Variants in BRAF observed in about 807,000 individuals in gnomAD.
BRAF encodes B-Raf proto-oncogene, serine/threonine kinase.
In BRAF, 16 loss-of-function variants were observed where a neutral mutation model predicts 104.6. The observed-to-expected ratio is 0.15, with a 90% confidence interval of 0.10 to 0.23. The LOEUF is 0.23. BRAF is among the 10% of genes least tolerant of loss of function. The pLI, the probability that BRAF is intolerant of heterozygous loss-of-function variation, is 1.00. For missense variants in BRAF, 541 were observed against 937.3 expected, an observed-to-expected ratio of 0.58 and a Z score of 5.52; for synonymous variants, 310 against 341.6, an observed-to-expected ratio of 0.91 and a Z score of 1.02.
chr7:140,871,597 C>T (rs1452066928), intron 1 of BRAF, among the ~76,000 whole-genome samples: 1 of 151,642 alleles, frequency 6.6e-6, no homozygotes, highest in Non-Finnish European at 1.5e-5. Context: ...CTTTAGACAC[C>T]TAAAAAAAAC....
rs949612905 is a variant in BRAF at position 140,784,792 on chromosome 7, C to T, written c.1297+897G>A. 2.2e-4 allele frequency among the ~76,000 whole-genome samples: 34 copies of T among 151,972 alleles called. 1 individual carries two copies. The highest frequency in any genetic ancestry group is 4.4e-5 in the Non-Finnish European group (3 of 67,974). On this transcript the variant is annotated intron_variant, in intron 10 of 19. Transcript: ENST00000644969. ...CCCAAGTAGCTGGGATTACAGGCAT[C>T]CGCCATCATGCCTAGCTAATTTTTT...
At chr7:140,756,799 C>T (rs1798240658) in intron 14 of BRAF, among the ~76,000 whole-genome samples, 1 of 152,212 alleles carries the variant, frequency 6.6e-6, no homozygotes, top group African/African-American at 2.4e-5. Context: ...TGATAGGTTT[C>T]TCTTAACAGT....
chr7:140,801,283 T>C, intron 6 of BRAF, 129 bp downstream of exon 6: 1 of 1,054,330 alleles, frequency 9.5e-7, no homozygotes, highest in East Asian at 2.6e-5. Flanking sequence ...TAACTACACT[T>C]AAAAAAAATT....
downstream of BRAF, among the ~76,000 whole-genome samples, chr7:140,716,705 C>G (rs529819352): frequency 2.6e-5 from 4 of 152,138 alleles, no homozygotes; most frequent in Non-Finnish European, 5.9e-5. Flanking sequence ...TTAGCACACA[C>G]GTTTGTAACT....
At chr7:140,734,505 A>G in intron 19 of BRAF, 1 of 1,603,756 alleles carries the variant, frequency 6.2e-7, no homozygotes, top group Non-Finnish European at 8.5e-7. Flanking sequence ...AAAAAAAAAG[A>G]GAGTATTTTA....
At chr7:140,868,036 G>C (rs756493508) in intron 1 of BRAF, among the ~76,000 whole-genome samples, 1 of 152,184 alleles carries the variant, frequency 6.6e-6, no homozygotes, top group Non-Finnish European at 1.5e-5. Context: ...GCCTGGACTA[G>C]TTTACTAGAA....
At chr7:140,782,767 C>A (rs977395391) in intron 11 of BRAF, among the ~76,000 whole-genome samples, 1 of 152,124 alleles carries the variant, frequency 6.6e-6, no homozygotes, top group Non-Finnish European at 1.5e-5. Flanking sequence ...AGCTTTCTCT[C>A]TTTTTCCTTA....
downstream of BRAF, among the ~76,000 whole-genome samples, chr7:140,718,955 A>C (rs1365446297): frequency 6.6e-6 from 1 of 152,238 alleles, no homozygotes; most frequent in Non-Finnish European, 1.5e-5. Context: ...GTTTGAAAAA[A>C]TACAATTCTA....
At chr7:140,914,405 G>T (rs918661716) in intron 1 of BRAF, among the ~76,000 whole-genome samples, 5 of 152,150 alleles carry the variant, frequency 3.3e-5, no homozygotes, top group African/African-American at 1.2e-4. Context: ...AATATGAGTG[G>T]AATATCATCA....
chr7:140,904,450 AG>A (rs1291110284), intron 1 of BRAF, among the ~76,000 whole-genome samples: 1 of 151,854 alleles, frequency 6.6e-6, no homozygotes, highest in Non-Finnish European at 1.5e-5. Flanking sequence ...TGGGGGAGGC[AG>A]GGAGGGGTGT....
chr7:140,756,185 T>G (rs1308000180), intron 14 of BRAF, among the ~76,000 whole-genome samples: 2 of 152,192 alleles, frequency 1.3e-5, no homozygotes, highest in Non-Finnish European at 2.9e-5. Context: ...ATAGAAGTTA[T>G]ATAGCATAAA....
At chr7:140,891,755 T>C (rs956241082) in intron 1 of BRAF, among the ~76,000 whole-genome samples, 9 of 151,202 alleles carry the variant, frequency 6.0e-5, no homozygotes, top group East Asian at 1.9e-4. Flanking sequence ...TCAGAAACCA[T>C]TGAAAAAAAA....
intron 1 of BRAF, among the ~76,000 whole-genome samples, chr7:140,854,161 G>C (rs914082551): frequency 2.0e-5 from 3 of 151,908 alleles, no homozygotes; most frequent in African/African-American, 7.3e-5. Context: ...GTAGAGATGG[G>C]GTTTTGCCAC....
intron 1 of BRAF, among the ~76,000 whole-genome samples, chr7:140,896,847 G>C (rs896153412): frequency 8.3e-6 from 1 of 120,102 alleles, no homozygotes; most frequent in Non-Finnish European, 1.6e-5. Context: ...CTGGGTGACA[G>C]AGCGAGACTC....
rs769116177 is a variant in BRAF, at chr7:140,924,710, A to G, written c.-7T>C. ...CACCGCTCAGCGCCGCCATCTTATA[A>G]CCGAGAGCCGGGGCCCGAGCGGCCG... On this transcript the variant is annotated 5_prime_UTR_variant, in exon 1 of 20. Coordinates refer to ENST00000644969, the MANE Select transcript of BRAF (RefSeq NM_001374258.1). The surrounding 1 kb of genome is among the most constrained non-coding windows in gnomAD (Gnocchi z 4.2). 4.3e-6 allele frequency: 4 copies of G among 937,240 alleles called. No homozygotes were observed. The highest frequency in any genetic ancestry group is 4.8e-6 in the Non-Finnish European group (3 of 624,432). 58.1% of individuals were successfully genotyped at this position (937,240 alleles called of 1,614,324 possible).
intron 9 of BRAF, 120 bp downstream of exon 9, chr7:140,787,428 G>A (rs2129031358): frequency 9.5e-7 from 1 of 1,048,836 alleles, no homozygotes; most frequent in Admixed American, 2.2e-5. Flanking sequence ...AAAAATTTTG[G>A]GTTTCTCTAC....
At position 140,721,588 on chromosome 7, in the gene BRAF, C is replaced by T. The variant is rs906941286; in HGVS notation, c.*4906G>A. ...TGGACCACAGATATACTGGTGACTC[C>T]GCTCTCCTCTGGCCAAGCTACAAAT... On this transcript the variant is annotated 3_prime_UTR_variant, in exon 20 of 20. Transcript: ENST00000644969. The T allele has an allele frequency of 1.9e-5, 29 of 1,529,896 alleles. No individual in the cohort carries two copies. The highest frequency in any genetic ancestry group is 8.3e-5 in the African/African-American group (6 of 72,582). The allele number at this position is 1,529,896 out of a possible 1,614,324, so 94.8% of individuals were successfully genotyped here.
rs1247809239 is a variant in BRAF at position 140,723,141 on chromosome 7, G to C, written c.*3353C>G. 8 of 1,052,414 alleles carry C rather than the reference G, an allele frequency of 7.6e-6. No homozygotes were observed. The highest frequency in any genetic ancestry group is 2.3e-6 in the Non-Finnish European group (2 of 871,422). The allele number at this position is 1,052,414 out of a possible 1,614,324, so 65.2% of individuals were successfully genotyped here. A position where few individuals can be genotyped will look rare whatever the true frequency, so the allele number is the denominator to read the frequency against. Reference sequence around the variant, plus strand: ...GGTTTCGAACTAAAGCTAGAGATGAGGTTTGCAAGCAGCTGGCGGGTGGAT... The same window carrying C: ...GGTTTCGAACTAAAGCTAGAGATGACGTTTGCAAGCAGCTGGCGGGTGGAT... On this transcript the variant is annotated 3_prime_UTR_variant, in exon 20 of 20. Transcript: ENST00000644969.
intron 7 of BRAF, chr7:140,800,113 T>G: frequency 1.9e-6 from 1 of 538,326 alleles, no homozygotes. Context: ...AGCATGTCAC[T>G]GAAGAGCAGA....
Sources: allele counts gnomAD v4.1 joint callset (sites outside exome capture counted in the v4.1 genomes callset), GRCh38; gene constraint gnomAD v4.1.1; non-coding constraint Gnocchi (gnomAD v3.1); transcripts MANE v1.5; gene names NCBI Gene and HGNC (gene_info 2026-07-23, HGNC 2026-07-21).